The following NEK5 variants were observed in gnomAD, a reference collection of about 807,000 sequenced individuals.
NEK5 encodes serine/threonine-protein kinase Nek5.
In NEK5, 88 loss-of-function variants were observed where a neutral mutation model predicts 109.2. The ratio of observed to expected loss-of-function variants is 0.81; its 90% CI spans 0.68 to 0.96. The LOEUF (loss-of-function observed/expected upper bound fraction) is 0.96. Among genes scored for constraint, NEK5 ranks in the 40% least tolerant of loss-of-function variants. The probability of loss-of-function intolerance (pLI) is 0.00; values close to 1 mark genes in which losing one functional copy is unlikely to be tolerated. For synonymous variants in NEK5, 283 were observed against 299.9 expected (o/e 0.94, Z 0.58); for missense variants, 834 against 920.7 (o/e 0.91, Z 1.22).
chr13:52,086,169 T>C (rs564026509), intron 16 of NEK5, 108 bp downstream of exon 16: 611 of 780,218 alleles, frequency 7.8e-4, no homozygotes, highest in Middle Eastern at 5.7e-3. Flanking sequence ...ATTATCTCTA[T>C]GATAAAACTT....
intron 12 of NEK5, among the ~76,000 whole-genome samples, chr13:52,093,538 C>T (rs560921133): frequency 2.3e-4 from 35 of 151,004 alleles, no homozygotes; most frequent in African/African-American, 8.3e-4. Context: ...CCAACCTGCA[C>T]AATGTGAGCG....
chr13:52,059,596 C>T (rs1337930666), intron 22 of NEK5, among the ~76,000 whole-genome samples: 2 of 151,966 alleles, frequency 1.3e-5, no homozygotes, highest in Admixed American at 1.3e-4. Flanking sequence ...AAATGTGGCA[C>T]ATATACACCA....
intron 7 of NEK5, among the ~76,000 whole-genome samples, chr13:52,109,749 C>T (rs550384305): frequency 7.9e-5 from 12 of 152,292 alleles, no homozygotes; most frequent in Admixed American, 2.0e-4. Flanking sequence ...TTCAGATAGA[C>T]TCTTTCAATC....
At chr13:52,064,222 A>T (rs1342951681) in intron 21 of NEK5, among the ~76,000 whole-genome samples, 1 of 108,662 alleles carries the variant, frequency 9.2e-6, no homozygotes, top group Non-Finnish European at 1.8e-5. Context: ...TCCGGGAGGG[A>T]GGTGGGGGGG....
chr13:52,083,572 T>G lies in NEK5; in HGVS notation c.1480-220A>C, dbSNP rs145938746. On this transcript the variant is annotated intron_variant, in intron 16 of 23. Transcript: ENST00000684899. ...TTTTTTTTGAGATGGAGTCTCACTC[T>G]GTCACCCAGGCTGGAGTGCAGTGGT... Among the ~76,000 whole-genome samples the G allele has an allele frequency of 3.9e-3, 595 of 151,998 alleles. 3 individuals are homozygous for G. The highest frequency in any genetic ancestry group is 0.013 in the African/African-American group (535 of 41,430).
intron 18 of NEK5, 29 bp from the exon 19 acceptor site, chr13:52,075,855 T>C: frequency 7.9e-7 from 1 of 1,271,864 alleles, no homozygotes; most frequent in Admixed American, 2.7e-5. Flanking sequence ...AAAAAAAAAG[T>C]TTAGCAATTC....
intron 8 of NEK5, among the ~76,000 whole-genome samples, chr13:52,105,600 G>A (rs1022243514): frequency 6.6e-6 from 1 of 151,938 alleles, no homozygotes; most frequent in Non-Finnish European, 1.5e-5. Context: ...TCTTTACTAG[G>A]GCTTCCACAG....
At chr13:52,050,745 A>T in intron 22 of NEK5, among the ~76,000 whole-genome samples, 1 of 140,964 alleles carries the variant, frequency 7.1e-6, no homozygotes. Flanking sequence ...TTTGAGACAG[A>T]GTCTGGCTTT....
chr13:52,113,990 A>G (rs746227946), intron 4 of NEK5, among the ~76,000 whole-genome samples: 1 of 152,192 alleles, frequency 6.6e-6, no homozygotes, highest in Admixed American at 6.5e-5. Context: ...CCAGAAATAA[A>G]TTTCTGCTGT....
chr13:52,057,199 A>C (rs1457002195), intron 22 of NEK5, among the ~76,000 whole-genome samples: 2 of 152,238 alleles, frequency 1.3e-5, no homozygotes, highest in African/African-American at 4.8e-5. Flanking sequence ...AAAATCTAGA[A>C]GACATGGATA....
At chr13:52,099,920 T>C (rs1344517747) in intron 11 of NEK5, 44 bp from the exon 12 acceptor site, 1 of 1,455,906 alleles carries the variant, frequency 6.9e-7, no homozygotes, top group South Asian at 1.1e-5. Flanking sequence ...TTAAAAATTG[T>C]ACACCATTAA....
chr13:52,037,041 GC>G lies in NEK5; in HGVS notation c.2405del (p.Gly802AlafsTer38), dbSNP rs1954366186. Reference sequence around the variant, plus strand: ...TAGATGTAGTAGAAATATTCTCCAAGCCCTCCCTTAATTCTTCAGATTTCTG... The same window carrying G: ...TAGATGTAGTAGAAATATTCTCCAAGCCTCCCTTAATTCTTCAGATTTCTG... ...SMQKSEELREGLENISTTSND... is the reference protein window; with the variant it reads ...SMQKSEELREXLENISTTSND... On this transcript the variant is annotated frameshift_variant, in exon 24 of 24. Coordinates refer to ENST00000684899, the MANE Select transcript of NEK5 (RefSeq NM_001365552.1). LOFTEE classifies it high-confidence loss of function. The G allele has an allele frequency of 1.0e-6, 1 of 985,074 alleles. No individual in the cohort carries two copies. Among genetic ancestry groups the G allele is most frequent in the Non-Finnish European group, 1.2e-6 (1 of 829,808 alleles). 61.0% of individuals were successfully genotyped at this position (985,074 alleles called of 1,614,324 possible). A position where few individuals can be genotyped will look rare whatever the true frequency, so the allele number is the denominator to read the frequency against.
At chr13:52,039,205 A>G (rs1351893934) in intron 23 of NEK5, among the ~76,000 whole-genome samples, 1 of 152,188 alleles carries the variant, frequency 6.6e-6, no homozygotes, top group Non-Finnish European at 1.5e-5. Context: ...CAGAACGCGT[A>G]CTATCTCTGT....
rs752003878 is a variant in NEK5, at chr13:52,127,424, A to C, written c.59T>G (p.Leu20Ter). 8 of 1,613,112 alleles carry C rather than the reference A, an allele frequency of 5.0e-6. No homozygotes were observed. The African/African-American group carries it at 1.1e-4, about 22-fold the overall frequency. Residue 20 changes from leucine (L) to a stop codon, truncating the protein, a stop_gained, in exon 3 of 24, where the codon TTA (leucine) becomes TGA (stop). Coordinates refer to ENST00000684899, the MANE Select transcript of NEK5 (RefSeq NM_001365552.1). LOFTEE classifies it high-confidence loss of function. ...CTTGCTATCTGATTTCCCTTTAGCT[A>C]AGTATGCTTTCCCGAAGGCACCTTG... The part of the protein sequence containing the change: ...IGQGAFGKAY[L>*]AKGKSDSKHC...
At chr13:52,063,996 TG>T (rs367747989) in intron 21 of NEK5, among the ~76,000 whole-genome samples, 4,039 of 97,822 alleles carry the variant, frequency 0.041, 313 homozygotes, top group African/African-American at 0.16. Context: ...GGGAGGGAGG[TG>T]GGGGGGGGGG....
intron 8 of NEK5, 45 bp downstream of exon 8, chr13:52,108,273 C>A: frequency 1.9e-6 from 2 of 1,031,832 alleles, no homozygotes; most frequent in African/African-American, 1.6e-5. Context: ...CAGTGTCATC[C>A]ATCAGATTTT....
rs1954359169 is a variant in NEK5, at chr13:52,036,061, T to A, written c.*887A>T. 6.6e-6 allele frequency: 1 copy of A among 152,174 alleles called. No individual in the cohort carries two copies. Among genetic ancestry groups the A allele is most frequent in the African/African-American group, 2.4e-5 (1 of 41,446 alleles). The allele number at this position is 152,174 out of a possible 1,614,324, so 9.4% of individuals were successfully genotyped here. A position where few individuals can be genotyped will look rare whatever the true frequency, so the allele number is the denominator to read the frequency against. On this transcript the variant is annotated 3_prime_UTR_variant, in exon 24 of 24. Transcript: ENST00000684899. ...GAAATTGAACTCACTAGGCTAAAAT[T>A]AAGTTGTTGGCAGGGCTGTGTTCCT...
chr13:52,121,782 A>G (rs1360642805), intron 3 of NEK5, among the ~76,000 whole-genome samples: 4 of 152,238 alleles, frequency 2.6e-5, no homozygotes, highest in African/African-American at 9.6e-5. Context: ...TCATGCATAT[A>G]TAGGCAAGCA....
chr13:52,120,374 A>G (rs117357899), intron 3 of NEK5, among the ~76,000 whole-genome samples: 2,790 of 152,214 alleles, frequency 0.018, 27 homozygotes, highest in Non-Finnish European at 0.027. Context: ...ACTACTATTT[A>G]TTTAAAAGAA....
Sources: gnomAD v4.1 joint callset for allele counts (sites outside exome capture counted in the v4.1 genomes callset) on GRCh38, gnomAD v4.1.1 for gene constraint, MANE v1.5 for transcripts, NCBI Gene and HGNC (gene_info 2026-07-23, HGNC 2026-07-21) for gene names.